TMEM184B: variants seen among roughly 807,000 people sequenced by gnomAD.
TMEM184B encodes the protein putative MAPK-activating protein FM08.
Under a neutral mutation model 41.8 loss-of-function variants are expected in TMEM184B, and 17 were observed. That is an observed-to-expected ratio of 0.41 (90% CI 0.28 to 0.61). The LOEUF is 0.61. Ranked by LOEUF, TMEM184B falls within the 20% of genes least tolerant of loss-of-function variation. The probability of loss-of-function intolerance (pLI) is 0.34; values close to 1 mark genes in which losing one functional copy is unlikely to be tolerated. For synonymous variants in TMEM184B, 240 were observed against 229.5 expected, an observed-to-expected ratio of 1.05 and a Z score of -0.41; for missense variants, 393 against 557.8, an observed-to-expected ratio of 0.70 and a Z score of 2.98.
chr22:38,267,117 C>G (rs1167533850), intron 1 of TMEM184B, among the ~76,000 whole-genome samples: 2 of 151,608 alleles, frequency 1.3e-5, no homozygotes, highest in African/African-American at 2.4e-5. Context: ...TACTTCTAAT[C>G]TCAGAGAAGC....
At chr22:38,229,457 A>C (rs1343269408) in intron 5 of TMEM184B, among the ~76,000 whole-genome samples, 2 of 152,266 alleles carry the variant, frequency 1.3e-5, no homozygotes, top group African/African-American at 4.8e-5. Flanking sequence ...AGAGAGGGTA[A>C]GCCAATTATC....
chr22:38,229,722 C>A, intron 5 of TMEM184B, among the ~76,000 whole-genome samples: 1 of 69,706 alleles, frequency 1.4e-5, no homozygotes, highest in East Asian at 4.2e-4. Flanking sequence ...GAAGCTAGAG[C>A]GGCTGGATTG....
Position 38,226,956 on chromosome 22 carries a change from C to A in TMEM184B, c.526-86G>T. ...CTGCCTCTGGCAGACGGAACTGTAC[C>A]GGATGGAGGGACAGAGAGGATGAAG... On this transcript the variant is annotated intron_variant, in intron 5 of 8. Transcript: ENST00000361906. This position sits in a 1 kb window ranked among gnomAD's most constrained non-coding sequence, Gnocchi z 4.6. 7.4e-7 allele frequency: 1 copy of A among 1,342,540 alleles called. No individual in the cohort carries two copies. The highest frequency in any genetic ancestry group is 1.0e-6 in the Non-Finnish European group (1 of 962,726). 83.2% of individuals were successfully genotyped at this position (1,342,540 alleles called of 1,614,324 possible).
chr22:38,220,693 C>G lies in TMEM184B; in HGVS notation c.*776G>C. On this transcript the variant is annotated 3_prime_UTR_variant, in exon 9 of 9. Transcript: ENST00000361906. Reference sequence around the variant, plus strand: ...AAGCAAGGGCTCTGCCCAAAGCTATCGAGGAAGGACCCAAGTGAGCCGGCA... The same window carrying G: ...AAGCAAGGGCTCTGCCCAAAGCTATGGAGGAAGGACCCAAGTGAGCCGGCA... The G allele has an allele frequency of 1.0e-6, 1 of 986,182 alleles. No individual in the cohort carries two copies. Among genetic ancestry groups the G allele is most frequent in the Non-Finnish European group, 1.2e-6 (1 of 830,162 alleles). 61.1% of individuals were successfully genotyped at this position (986,182 alleles called of 1,614,324 possible).
chr22:38,239,615 G>A lies in TMEM184B; in HGVS notation c.358+6320C>T, dbSNP rs572694148. 1 of 152,296 alleles carries A rather than the reference G, an allele frequency of 6.6e-6. No homozygotes were observed. Among genetic ancestry groups the A allele is most frequent in the South Asian group, 2.1e-4 (1 of 4,826 alleles). 9.4% of individuals were successfully genotyped at this position (152,296 alleles called of 1,614,324 possible). ...GCAGAAGCTGGTTAAAAGTCTCCAC[G>A]TGGAGCCACTGCATTACAAGTTTCA... On this transcript the variant is annotated intron_variant, in intron 3 of 8. Coordinates refer to ENST00000361906, the MANE Select transcript of TMEM184B (RefSeq NM_012264.5). This position sits in a 1 kb window ranked among gnomAD's most constrained non-coding sequence, Gnocchi z 4.6.
chr22:38,268,077 G>A (rs2092469198), intron 1 of TMEM184B, among the ~76,000 whole-genome samples: 1 of 152,204 alleles, frequency 6.6e-6, no homozygotes, highest in South Asian at 2.1e-4. Flanking sequence ...TTGGGAATGA[G>A]TGCCCGGTAA....
At position 38,225,431 on chromosome 22, in the gene TMEM184B, G is replaced by A. The variant is rs771765997; in HGVS notation, c.780C>T (p.Phe260=). ...TGCTGGGAGGGGGCTCACCTTGCCAGAAGGAAAGAAAGATGACGGACTTGA... is the reference window on the plus strand; with the variant it reads ...TGCTGGGAGGGGGCTCACCTTGCCAAAAGGAAAGAAAGATGACGGACTTGA... ...FMVKSVIFLS[F]WQGMLLAILE... Residue 260 remains phenylalanine, a synonymous_variant, in exon 7 of 9, where the codon TTC becomes TTT. Transcript: ENST00000361906. This position sits in a 1 kb window ranked among gnomAD's most constrained non-coding sequence, Gnocchi z 4.4. 5 of 1,567,304 alleles carry A rather than the reference G, an allele frequency of 3.2e-6. No homozygotes were observed. The highest frequency in any genetic ancestry group is 2.6e-6 in the Non-Finnish European group (3 of 1,158,934).
intron 5 of TMEM184B, among the ~76,000 whole-genome samples, chr22:38,227,791 G>A (rs11705466): frequency 2.8e-4 from 43 of 152,168 alleles, no homozygotes; most frequent in African/African-American, 5.8e-4. Flanking sequence ...GGAGTCTCCC[G>A]CCTCTGTACA....
At chr22:38,229,330 G>A (rs1016245898) in intron 5 of TMEM184B, among the ~76,000 whole-genome samples, 4 of 152,242 alleles carry the variant, frequency 2.6e-5, no homozygotes, top group East Asian at 1.9e-4. Flanking sequence ...ACAGGAGGCC[G>A]TGGGCTCCAC....
intron 3 of TMEM184B, among the ~76,000 whole-genome samples, chr22:38,244,119 A>T (rs894833933): frequency 7.9e-5 from 12 of 152,274 alleles, no homozygotes; most frequent in Admixed American, 7.2e-4. Context: ...GCTGGGGTGC[A>T]ATGGGCTCCT....
intron 3 of TMEM184B, among the ~76,000 whole-genome samples, chr22:38,236,535 G>A (rs1474118564): frequency 6.6e-6 from 1 of 151,828 alleles, no homozygotes; most frequent in East Asian, 1.9e-4. Context: ...CCAGGCTGGA[G>A]CACACAGATG....
chr22:38,266,174 G>A (rs1167366796), intron 1 of TMEM184B, among the ~76,000 whole-genome samples: 2 of 152,214 alleles, frequency 1.3e-5, no homozygotes, highest in Non-Finnish European at 2.9e-5. Context: ...AAGGGTCTGT[G>A]GATCCTGGCT....
rs369464484 is a variant in TMEM184B at position 38,220,308 on chromosome 22, A to G, written c.*1161T>C. ...ACTGCAGGATCCTGCGAGTGCCAGC[A>G]GCTGAACTAAGAGCCCCAGGGAGCG... On this transcript the variant is annotated 3_prime_UTR_variant, in exon 9 of 9. Coordinates refer to ENST00000361906, the MANE Select transcript of TMEM184B (RefSeq NM_012264.5). The G allele has an allele frequency of 1.0e-6, 1 of 986,106 alleles. No homozygotes were observed. The allele number at this position is 986,106 out of a possible 1,614,324, so 61.1% of individuals were successfully genotyped here.
chr22:38,227,780 G>A (rs540444406), intron 5 of TMEM184B, among the ~76,000 whole-genome samples: 2 of 152,138 alleles, frequency 1.3e-5, no homozygotes, highest in African/African-American at 2.4e-5. Context: ...GCATCTTCTC[G>A]GGAGTCTCCC....
chr22:38,265,744 C>T lies in TMEM184B; in HGVS notation c.-59+7140G>A, dbSNP rs556070978. Among the ~76,000 whole-genome samples, 19 of 152,364 alleles carry T rather than the reference C, an allele frequency of 1.2e-4. No individual in the cohort carries two copies. In the East Asian group the frequency reaches 1.5e-3, roughly 12 times the overall value. On this transcript the variant is annotated intron_variant, in intron 1 of 8. Transcript: ENST00000361906. ...CACCAACATCTATCATTGTGCCTCG[C>T]AGGCACCCAAACTGACTGCTGATGG...
chr22:38,221,337 T>G lies in TMEM184B; in HGVS notation c.*132A>C. 6.9e-7 allele frequency: 1 copy of G among 1,448,682 alleles called. No individual in the cohort carries two copies. Among genetic ancestry groups the G allele is most frequent in the Non-Finnish European group, 9.0e-7 (1 of 1,105,750 alleles). 89.7% of individuals were successfully genotyped at this position (1,448,682 alleles called of 1,614,324 possible). On this transcript the variant is annotated 3_prime_UTR_variant, in exon 9 of 9. Coordinates refer to ENST00000361906, the MANE Select transcript of TMEM184B (RefSeq NM_012264.5). ...CGTTCCTCTGGAAGTGACATGTGAG[T>G]GTTTCTGGTCCAATAAATAAAGGCG...
At chr22:38,228,211 C>A (rs1472540143) in intron 5 of TMEM184B, among the ~76,000 whole-genome samples, 16 of 152,194 alleles carry the variant, frequency 1.1e-4, no homozygotes. Context: ...CCCTGTCATC[C>A]CGCCTAGAGA....
chr22:38,251,781 G>C (rs1057295711), intron 1 of TMEM184B, among the ~76,000 whole-genome samples: 3 of 152,206 alleles, frequency 2.0e-5, no homozygotes, highest in African/African-American at 4.8e-5. Context: ...TACTCCCGTG[G>C]GGAAAGGGGT....
In TMEM184B at chr22:38,248,125, C is replaced by A. The variant is rs1438627799; in HGVS notation, c.-58-106G>T. On this transcript the variant is annotated intron_variant, in intron 1 of 8. Coordinates refer to ENST00000361906, the MANE Select transcript of TMEM184B (RefSeq NM_012264.5). ...CACCTCCTGACCATGTCTGTATTGA[C>A]CCCAACCATCACCCTGTCCCAGCCA... is the stretch of plus-strand genomic sequence containing the variant. The A allele has an allele frequency of 2.9e-5, 40 of 1,385,146 alleles. No homozygotes were observed. The East Asian group carries it at 9.6e-4, about 33-fold the overall frequency. The allele number at this position is 1,385,146 out of a possible 1,614,324, so 85.8% of individuals were successfully genotyped here.
Sources: gnomAD v4.1 joint callset for allele counts (sites outside exome capture counted in the v4.1 genomes callset) on GRCh38, gnomAD v4.1.1 for gene constraint, Gnocchi (gnomAD v3.1) non-coding constraint, MANE v1.5 for transcripts, NCBI Gene and HGNC (gene_info 2026-07-23, HGNC 2026-07-21) for gene names.